The following DLG2 variants were observed in gnomAD, a reference collection of about 807,000 sequenced individuals.
DLG2 encodes the protein discs large MAGUK scaffold protein 2, also known as disks large homolog 2.
Under a neutral mutation model 132.5 loss-of-function variants are expected in DLG2, and 45 were observed. The observed-to-expected ratio is 0.34, with a 90% CI of 0.27 to 0.44. The LOEUF (loss-of-function observed/expected upper bound fraction) is 0.44. Ranked by LOEUF, DLG2 falls within the 20% of genes least tolerant of loss-of-function variation. The probability of loss-of-function intolerance (pLI) is 1.00; values close to 1 mark genes in which losing one functional copy is unlikely to be tolerated. For missense variants in DLG2, 1,045 were observed against 1,196.9 expected (o/e 0.87, Z 1.87); for synonymous variants, 424 against 419.6 (o/e 1.01, Z -0.13).
At chr11:85,237,423 G>A (rs966073412) in intron 4 of DLG2, among the ~76,000 whole-genome samples, 12 of 151,950 alleles carry the variant, frequency 7.9e-5, no homozygotes, top group African/African-American at 1.9e-4. Context: ...TATTCATATA[G>A]GGTCTGTGAA....
At chr11:83,566,220 A>G (rs1464836073) in intron 19 of DLG2, among the ~76,000 whole-genome samples, 1 of 152,202 alleles carries the variant, frequency 6.6e-6, no homozygotes, top group East Asian at 1.9e-4. Flanking sequence ...TGGAAAAACC[A>G]CAGGCCCAGT....
chr11:85,465,405 G>A (rs545493120), intron 3 of DLG2, among the ~76,000 whole-genome samples: 1 of 151,844 alleles, frequency 6.6e-6, no homozygotes, highest in Non-Finnish European at 1.5e-5. Flanking sequence ...GCTGCACCCA[G>A]TAACTCGTCA....
chr11:84,877,512 C>CTTTTTTTTT (rs60339036), intron 6 of DLG2, among the ~76,000 whole-genome samples: 4 of 57,452 alleles, frequency 7.0e-5, no homozygotes, highest in African/African-American at 7.6e-5. Context: ...GCAACCCCTG[C>CTTTTTTTTT]TTTTTTTTTT....
chr11:84,220,523 T>C (rs1454291783), intron 8 of DLG2, among the ~76,000 whole-genome samples: 1 of 152,190 alleles, frequency 6.6e-6, no homozygotes, highest in Non-Finnish European at 1.5e-5. Flanking sequence ...AAAAGAGGGA[T>C]ACATAAAACA....
chr11:85,458,032 CA>C (rs1432070424), intron 3 of DLG2, among the ~76,000 whole-genome samples: 1 of 152,132 alleles, frequency 6.6e-6, no homozygotes, highest in Non-Finnish European at 1.5e-5. Flanking sequence ...ATATGTTTTC[CA>C]AGTTGCTTGC....
intron 6 of DLG2, among the ~76,000 whole-genome samples, chr11:84,856,346 T>A (rs2082785922): frequency 6.6e-6 from 1 of 152,034 alleles, no homozygotes; most frequent in Non-Finnish European, 1.5e-5. Context: ...TTGGGTCCCA[T>A]TAGCATGGAA....
At chr11:84,572,951 A>G (rs1323052663) in intron 6 of DLG2, among the ~76,000 whole-genome samples, 1 of 152,158 alleles carries the variant, frequency 6.6e-6, no homozygotes, top group Non-Finnish European at 1.5e-5. Context: ...GTCATAATTA[A>G]TGAAGTTCTT....
rs150637245 is a variant in DLG2, at chr11:83,572,632, A to G, written c.1941-30774T>C. 9.0e-4 allele frequency among the ~76,000 whole-genome samples: 137 copies of G among 152,322 alleles called. 1 individual carries two copies. In the South Asian group the frequency reaches 9.1e-3, roughly 10 times the overall value. ...AAGGCCATCCAAAATCAGAAGGTCT[A>G]TGGAAAACTCTAGTCTCACACTCAA... On this transcript the variant is annotated intron_variant, in intron 19 of 27. Coordinates refer to ENST00000376104, the MANE Select transcript of DLG2 (RefSeq NM_001142699.3).
At chr11:84,502,193 T>C in intron 7 of DLG2, among the ~76,000 whole-genome samples, 1 of 14,208 alleles carries the variant, frequency 7.0e-5, no homozygotes, top group African/African-American at 4.8e-4. Flanking sequence ...TCTTTCTCTC[T>C]CTCTCTCTCC....
chr11:85,073,363 C>T (rs1023003056), intron 6 of DLG2, among the ~76,000 whole-genome samples: 2 of 151,802 alleles, frequency 1.3e-5, no homozygotes, highest in Non-Finnish European at 2.9e-5. Context: ...ATGGTAGTGG[C>T]TGAATAACCT....
intron 17 of DLG2, among the ~76,000 whole-genome samples, chr11:83,808,538 G>A (rs2046484936): frequency 6.6e-6 from 1 of 152,168 alleles, no homozygotes; most frequent in Non-Finnish European, 1.5e-5. Flanking sequence ...TCCATTCACT[G>A]CACTAACAGT....
rs78339818 is a variant in DLG2 at position 85,263,377 on chromosome 11, C to T, written c.186+21843G>A. Among the ~76,000 whole-genome samples, 375 of 152,274 alleles carry T rather than the reference C, an allele frequency of 2.5e-3. 3 individuals carry two copies. Among genetic ancestry groups the T allele is most frequent in the African/African-American group, 8.6e-3 (358 of 41,550 alleles). Reference sequence around the variant, plus strand: ...AGAGGGGGTCTGAGTTCCCCCAAAACGCATGTGAGTTTGCCCAAAACGCAT... The same window carrying T: ...AGAGGGGGTCTGAGTTCCCCCAAAATGCATGTGAGTTTGCCCAAAACGCAT... On this transcript the variant is annotated intron_variant, in intron 4 of 27. Transcript: ENST00000376104.
chr11:85,197,941 G>A (rs2081186409), intron 4 of DLG2, among the ~76,000 whole-genome samples: 1 of 152,134 alleles, frequency 6.6e-6, no homozygotes, highest in African/African-American at 2.4e-5. Context: ...TTGTTACAAG[G>A]ATTAAATGAG....
At position 83,985,619 on chromosome 11, in the gene DLG2, G is replaced by A. The variant is rs189006903; in HGVS notation, c.920-4977C>T. ...GACAACATGTGGTGTTTGGTTTTCT[G>A]TTCCTGTGTTACTTTGCTGAGAATG... On this transcript the variant is annotated intron_variant, in intron 11 of 27. Transcript: ENST00000376104. 4.5e-3 allele frequency among the ~76,000 whole-genome samples: 691 copies of A among 152,142 alleles called. 6 individuals carry two copies. Among genetic ancestry groups the A allele is most frequent in the African/African-American group, 0.016 (665 of 41,516 alleles).
intron 7 of DLG2, among the ~76,000 whole-genome samples, chr11:84,512,734 A>T (rs796867014): frequency 2.7e-5 from 4 of 149,584 alleles, no homozygotes; most frequent in African/African-American, 9.8e-5. Context: ...AGTGCTGAGT[A>T]AAAAAAAAAG....
chr11:85,308,647 T>C (rs497607), intron 3 of DLG2, among the ~76,000 whole-genome samples: 123,597 of 152,118 alleles, frequency 0.81, 50,814 homozygotes, highest in Middle Eastern at 0.89. Context: ...TCCCCTTAAC[T>C]ATGAACACAT....
intron 6 of DLG2, among the ~76,000 whole-genome samples, chr11:85,031,449 C>T (rs911021121): frequency 2.6e-5 from 4 of 152,094 alleles, no homozygotes; most frequent in Non-Finnish European, 4.4e-5. Context: ...TTATTTTTCT[C>T]ATACTATACT....
At chr11:84,830,961 C>G (rs368715291) in intron 6 of DLG2, among the ~76,000 whole-genome samples, 19 of 108,330 alleles carry the variant, frequency 1.8e-4, no homozygotes, top group Non-Finnish European at 3.1e-4. Context: ...TCCCCCCACC[C>G]CCCCCAGCTC....
chr11:84,534,895 C>T, intron 6 of DLG2, 164 bp from the exon 7 acceptor site: 3 of 812,366 alleles, frequency 3.7e-6, no homozygotes, highest in Non-Finnish European at 6.4e-6. Flanking sequence ...CACCATAGAC[C>T]AGGTCAAATG....
Sources: allele counts gnomAD v4.1 joint callset (sites outside exome capture counted in the v4.1 genomes callset), GRCh38; gene constraint gnomAD v4.1.1; transcripts MANE v1.5; gene names NCBI Gene and HGNC (gene_info 2026-07-23, HGNC 2026-07-21).